Variants in ADCY8 observed in about 807,000 individuals in gnomAD.
ADCY8 encodes the protein adenylate cyclase type 8.
ADCY8 carries 51 observed loss-of-function variants against 119.7 expected under a neutral mutation model. The observed-to-expected ratio is 0.43, with a 90% confidence interval of 0.34 to 0.54. The LOEUF is 0.54. ADCY8 is among the 20% of genes least tolerant of loss of function. The pLI is 0.03. For synonymous variants in ADCY8, 665 were observed against 651.0 expected, an observed-to-expected ratio of 1.02 and a Z score of -0.33; for missense variants, 1,383 against 1,598.8, an observed-to-expected ratio of 0.87 and a Z score of 2.30.
chr8:130,937,200 C>T lies in ADCY8; in HGVS notation c.1354G>A (p.Glu452Lys), dbSNP rs1460594134. 2 of 1,613,092 alleles carry T rather than the reference C, an allele frequency of 1.2e-6. No individual in the cohort carries two copies. The highest frequency in any genetic ancestry group is 2.2e-5 in the East Asian group (1 of 44,854). ...ATTTTAATACGAAGGCAGTGATGCT[C>T]CTGGAAGGAACAGGATAAGAGGGAA... ...LFARFDRLAH[E>K]HHCLRIKILG... Residue 452 changes from glutamate to lysine, a missense_variant and splice_region_variant, in exon 5 of 18, where the codon GAG (glutamate) becomes AAG (lysine). By Grantham distance (56) the Glu-to-Lys change is moderately conservative. Transcript: ENST00000286355.
In ADCY8 at chr8:130,829,588, G is replaced by T. The variant is rs923997617; in HGVS notation, c.2675+6689C>A. Among the ~76,000 whole-genome samples, 5 of 152,024 alleles carry T rather than the reference G, an allele frequency of 3.3e-5. No homozygotes were observed. The East Asian group carries it at 9.7e-4, about 29-fold the overall frequency. On this transcript the variant is annotated intron_variant, in intron 12 of 17. Coordinates refer to ENST00000286355, the MANE Select transcript of ADCY8 (RefSeq NM_001115.3). ...CAGAAGGTCTAAACATGTTGTAGAT[G>T]GTTCATGGAAGTCATGAAAGGATTA...
chr8:130,877,583 C>G (rs1199645553), intron 8 of ADCY8, among the ~76,000 whole-genome samples: 4 of 152,162 alleles, frequency 2.6e-5, no homozygotes, highest in African/African-American at 9.7e-5. Context: ...CATAAAGAAA[C>G]CCATGCGTGA....
At chr8:130,803,177 G>C (rs757882975) in intron 14 of ADCY8, among the ~76,000 whole-genome samples, 7 of 152,116 alleles carry the variant, frequency 4.6e-5, no homozygotes, top group East Asian at 1.9e-4. Flanking sequence ...TATTCCTACC[G>C]TCTGTCCCTG....
At chr8:130,820,373 T>C (rs1816470638) in intron 13 of ADCY8, among the ~76,000 whole-genome samples, 1 of 152,168 alleles carries the variant, frequency 6.6e-6, no homozygotes, top group Non-Finnish European at 1.5e-5. Context: ...TGTGCTTTCC[T>C]CCTTTTCTGG....
intron 1 of ADCY8, among the ~76,000 whole-genome samples, chr8:131,006,942 C>T (rs1823137807): frequency 6.6e-6 from 1 of 152,130 alleles, no homozygotes; most frequent in East Asian, 1.9e-4. Flanking sequence ...GACTTATCTG[C>T]AATGGATGTA....
chr8:130,784,706 C>A (rs747577899), intron 16 of ADCY8, among the ~76,000 whole-genome samples: 1 of 152,188 alleles, frequency 6.6e-6, no homozygotes, highest in Non-Finnish European at 1.5e-5. Flanking sequence ...CTGATCCCTG[C>A]TGCACACGTA....
rs150112512 is a variant in ADCY8, at chr8:131,037,381, C to T, written c.960+1993G>A. ...AGTAGAATATAAAACAAATATGGAGCCAAAATTTACTTTCTGGATTCACTT... is the reference window on the plus strand; with the variant it reads ...AGTAGAATATAAAACAAATATGGAGTCAAAATTTACTTTCTGGATTCACTT... On this transcript the variant is annotated intron_variant, in intron 1 of 17. Coordinates refer to ENST00000286355, the MANE Select transcript of ADCY8 (RefSeq NM_001115.3). Among the ~76,000 whole-genome samples the T allele has an allele frequency of 3.9e-5, 6 of 152,108 alleles. No homozygotes were observed. The East Asian group carries it at 9.7e-4, about 25-fold the overall frequency.
At chr8:130,814,034 C>T (rs1467369438) in intron 14 of ADCY8, 35 bp downstream of exon 14, 3 of 1,612,378 alleles carry the variant, frequency 1.9e-6, no homozygotes, top group African/African-American at 2.7e-5. Flanking sequence ...CCCACCACCA[C>T]CCTTTCTCAC....
Position 130,867,955 on chromosome 8 carries a change from A to T in ADCY8, c.2110-9T>A. ...TCCCTCATTTGAGAATACTGTAATT[A>T]AAAAAAGAGAGAATGAGTTACTTTG... On this transcript the variant is annotated splice_polypyrimidine_tract_variant and intron_variant, in intron 8 of 17. Coordinates refer to ENST00000286355, the MANE Select transcript of ADCY8 (RefSeq NM_001115.3). 1 of 1,583,714 alleles carries T rather than the reference A, an allele frequency of 6.3e-7. No homozygotes were observed. Among genetic ancestry groups the T allele is most frequent in the South Asian group, 1.1e-5 (1 of 89,266 alleles).
At chr8:130,823,386 G>C (rs1210122290) in intron 12 of ADCY8, among the ~76,000 whole-genome samples, 3 of 152,290 alleles carry the variant, frequency 2.0e-5, no homozygotes, top group South Asian at 2.1e-4. Flanking sequence ...TATTTTTGTA[G>C]TTTCAATGAT....
intron 15 of ADCY8, among the ~76,000 whole-genome samples, chr8:130,785,887 G>C (rs1815235088): frequency 6.6e-6 from 1 of 152,158 alleles, no homozygotes; most frequent in Non-Finnish European, 1.5e-5. Flanking sequence ...GATCCCCTTT[G>C]CCCCTTGCCA....
At chr8:130,790,432 C>G (rs1188665285) in intron 15 of ADCY8, among the ~76,000 whole-genome samples, 1 of 152,206 alleles carries the variant, frequency 6.6e-6, no homozygotes, top group Middle Eastern at 3.4e-3. Context: ...TATAAAGTAG[C>G]CTGTTCTATT....
chr8:130,811,053 G>T (rs1816147867), intron 14 of ADCY8, among the ~76,000 whole-genome samples: 1 of 152,018 alleles, frequency 6.6e-6, no homozygotes, highest in South Asian at 2.1e-4. Context: ...TGCTTCCATG[G>T]CTTCATCAAG....
chr8:130,849,158 T>C (rs1817430629), intron 10 of ADCY8, among the ~76,000 whole-genome samples: 1 of 152,164 alleles, frequency 6.6e-6, no homozygotes, highest in African/African-American at 2.4e-5. Context: ...AGTTATTTCA[T>C]GTCTCTGAGC....
chr8:130,971,694 T>A (rs903153957), intron 2 of ADCY8, among the ~76,000 whole-genome samples: 4 of 152,186 alleles, frequency 2.6e-5, no homozygotes, highest in Non-Finnish European at 5.9e-5. Flanking sequence ...GAAGGCTTCC[T>A]GGAAGAGGTG....
intron 1 of ADCY8, among the ~76,000 whole-genome samples, chr8:131,017,581 T>C (rs1823520908): frequency 6.6e-6 from 1 of 152,142 alleles, no homozygotes; most frequent in Non-Finnish European, 1.5e-5. Flanking sequence ...GCTAGATGCA[T>C]TAGGAAAAGC....
chr8:131,012,317 A>T (rs1448000699), intron 1 of ADCY8, among the ~76,000 whole-genome samples: 2 of 152,194 alleles, frequency 1.3e-5, no homozygotes, highest in African/African-American at 4.8e-5. Context: ...CACCAGGTAA[A>T]CCACAAGACC....
intron 1 of ADCY8, among the ~76,000 whole-genome samples, chr8:131,015,523 A>T (rs771580682): frequency 1.3e-5 from 2 of 152,230 alleles, no homozygotes; most frequent in Non-Finnish European, 2.9e-5. Context: ...GAGAAGATAT[A>T]AACAAATCAA....
At position 131,035,293 on chromosome 8, in the gene ADCY8, C is replaced by G. The variant is rs558169348; in HGVS notation, c.960+4081G>C. On this transcript the variant is annotated intron_variant, in intron 1 of 17. Coordinates refer to ENST00000286355, the MANE Select transcript of ADCY8 (RefSeq NM_001115.3). ...TAAGTCAGAGTGAAATAAAAGGAAC[C>G]CTTCAAACTGGGTTTTGAGCCTTCT... 4.6e-5 allele frequency among the ~76,000 whole-genome samples: 7 copies of G among 152,242 alleles called. No individual in the cohort carries two copies. The East Asian group carries it at 1.4e-3, about 29-fold the overall frequency.
Sources: gnomAD v4.1 joint callset for allele counts (sites outside exome capture counted in the v4.1 genomes callset) on GRCh38, gnomAD v4.1.1 for gene constraint, MANE v1.5 for transcripts, NCBI Gene and HGNC (gene_info 2026-07-23, HGNC 2026-07-21) for gene names.